The following KMT2C variants were observed in gnomAD, a reference collection of about 807,000 sequenced individuals.
The protein encoded by KMT2C is lysine methyltransferase 2C, also known as histone-lysine N-methyltransferase 2C.
KMT2C carries 88 observed loss-of-function variants against 507.9 expected under a neutral mutation model. The ratio of observed to expected loss-of-function variants is 0.17; its 90% CI spans 0.15 to 0.21. The LOEUF (loss-of-function observed/expected upper bound fraction) is 0.21. Ranked by LOEUF, KMT2C falls within the 10% of genes least tolerant of loss-of-function variation. The pLI, the probability that KMT2C is intolerant of heterozygous loss-of-function variation, is 1.00. For missense variants in KMT2C, 4,954 were observed against 5,957.8 expected (o/e 0.83, Z 5.55); for synonymous variants, 2,049 against 2,080.8 (o/e 0.98, Z 0.42).
At chr7:152,383,573 C>T (rs532560029) in intron 1 of KMT2C, among the ~76,000 whole-genome samples, 1 of 152,268 alleles carries the variant, frequency 6.6e-6, no homozygotes, top group East Asian at 1.9e-4. Context: ...TTTGTATATG[C>T]GGGGCACAGA....
intron 6 of KMT2C, among the ~76,000 whole-genome samples, chr7:152,279,240 A>C (rs1381910308): frequency 6.6e-6 from 1 of 152,238 alleles, no homozygotes; most frequent in Non-Finnish European, 1.5e-5. Context: ...GTTTCAATCA[A>C]GAAGAAAAAT....
At chr7:152,210,544 T>C (rs2094431680) in intron 23 of KMT2C, among the ~76,000 whole-genome samples, 1 of 152,002 alleles carries the variant, frequency 6.6e-6, no homozygotes, top group African/African-American at 2.4e-5. Context: ...TATGAGTTTT[T>C]TTTTTTTTAA....
At position 152,364,924 on chromosome 7, in the gene KMT2C, GAAAC is replaced by G. The variant is rs1399655192; in HGVS notation, c.162-6253_162-6250del. Among the ~76,000 whole-genome samples, 7 of 135,304 alleles carry G rather than the reference GAAAC, an allele frequency of 5.2e-5. No homozygotes were observed. The South Asian group carries it at 1.0e-3, about 19-fold the overall frequency. The allele number at this position is 135,304 out of a possible 152,430, so 88.8% of individuals were successfully genotyped here. A position where few individuals can be genotyped will look rare whatever the true frequency, so the allele number is the denominator to read the frequency against. On this transcript the variant is annotated intron_variant, in intron 1 of 58. Coordinates refer to ENST00000262189, the MANE Select transcript of KMT2C (RefSeq NM_170606.3). ...CACAGATCCAAGCACAACAAAATCT[GAAAC>G]AGACAGACACACACACACACACACA...
chr7:152,223,834 C>T (rs1424486247), intron 20 of KMT2C, among the ~76,000 whole-genome samples, 181 bp downstream of exon 20: 2 of 151,864 alleles, frequency 1.3e-5, no homozygotes, highest in East Asian at 1.9e-4. Flanking sequence ...AATTTTAGTC[C>T]GGAGTTGAGA....
intron 1 of KMT2C, among the ~76,000 whole-genome samples, chr7:152,418,075 G>A (rs1038272823): frequency 2.0e-5 from 3 of 151,966 alleles, no homozygotes; most frequent in Non-Finnish European, 2.9e-5. Context: ...CAAGTAGCTG[G>A]GACTACAGGT....
At chr7:152,386,096 AT>A (rs991727244) in intron 1 of KMT2C, among the ~76,000 whole-genome samples, 4 of 151,582 alleles carry the variant, frequency 2.6e-5, no homozygotes, top group African/African-American at 9.7e-5. Flanking sequence ...AAAAAAAAAA[AT>A]TAATAAAAAT....
At chr7:152,179,512 AT>A in intron 37 of KMT2C, among the ~76,000 whole-genome samples, 1 of 152,352 alleles carries the variant, frequency 6.6e-6, no homozygotes. Flanking sequence ...GAGGAAAAAA[AT>A]GTCTATGACC....
At chr7:152,140,227 G>A (rs2090383892) in intron 55 of KMT2C, among the ~76,000 whole-genome samples, 1 of 152,206 alleles carries the variant, frequency 6.6e-6, no homozygotes, top group Non-Finnish European at 1.5e-5. Context: ...CACTGATACT[G>A]TAAACAGGGT....
intron 52 of KMT2C, 119 bp from the exon 53 acceptor site, chr7:152,146,854 C>A: frequency 1.1e-6 from 1 of 900,136 alleles, no homozygotes; most frequent in South Asian, 1.8e-5. Context: ...TCCTGTTGGG[C>A]AATAATCTAA....
At chr7:152,373,074 A>G (rs1353408082) in intron 1 of KMT2C, among the ~76,000 whole-genome samples, 1 of 152,230 alleles carries the variant, frequency 6.6e-6, no homozygotes, top group Non-Finnish European at 1.5e-5. Context: ...GAAAATTCAT[A>G]AAGAAATCAA....
At chr7:152,339,360 A>G (rs904338432) in intron 2 of KMT2C, among the ~76,000 whole-genome samples, 1 of 152,234 alleles carries the variant, frequency 6.6e-6, no homozygotes, top group Non-Finnish European at 1.5e-5. Flanking sequence ...TTTGTCACCA[A>G]CAGAAATCAC....
chr7:152,151,230 A>G (rs1013226411), intron 50 of KMT2C, among the ~76,000 whole-genome samples: 3 of 152,330 alleles, frequency 2.0e-5, no homozygotes, highest in South Asian at 4.1e-4. Context: ...CTATTTAAAA[A>G]TACGTAGTCC....
Position 152,171,269 on chromosome 7 carries a change from G to A in KMT2C, c.9448C>T (p.Pro3150Ser), listed in dbSNP as rs767049285. The A allele has an allele frequency of 1.7e-5, 28 of 1,605,008 alleles. No individual in the cohort carries two copies. The highest frequency in any genetic ancestry group is 2.4e-5 in the Non-Finnish European group (28 of 1,175,388). The change falls in exon 40 of 59, where the codon CCT becomes TCT. Residue 3150 changes from proline (P) to serine (S), a missense_variant. Physicochemically the swap from Pro to Ser is moderately conservative, Grantham distance 74 (BLOSUM62 -1). Coordinates refer to ENST00000262189, the MANE Select transcript of KMT2C (RefSeq NM_170606.3). ...EGQNLGPQAI[P>S]QDGSITHQIS... ...CTCATTACAGGCAGTGTTACCTGAG[G>A]AATGGCCTGTGGTCCAAGGTTCTGT...
rs750659542 is a variant in KMT2C, at chr7:152,154,254, G to A, written c.12139+13C>T. On this transcript the variant is annotated intron_variant, in intron 47 of 58. Coordinates refer to ENST00000262189, the MANE Select transcript of KMT2C (RefSeq NM_170606.3). ...GTGTAAAGGGAAATAATAAGGTTAA[G>A]TGTTGTTCTTACTTTTCCCAGCAGT... 2.5e-6 allele frequency: 4 copies of A among 1,613,880 alleles called. No homozygotes were observed. The Admixed American group carries it at 6.7e-5, about 27-fold the overall frequency.
At chr7:152,356,372 C>T (rs1374904379) in intron 2 of KMT2C, among the ~76,000 whole-genome samples, 1 of 151,682 alleles carries the variant, frequency 6.6e-6, no homozygotes, top group Non-Finnish European at 1.5e-5. Context: ...ATCAGGAGTT[C>T]GAGGCCAGCC....
At chr7:152,286,967 A>G (rs1001567133) in intron 6 of KMT2C, among the ~76,000 whole-genome samples, 2 of 152,224 alleles carry the variant, frequency 1.3e-5, no homozygotes, top group Non-Finnish European at 2.9e-5. Flanking sequence ...GCCAAATGGT[A>G]CAAATAAAAG....
chr7:152,376,566 A>G (rs1206995686), intron 1 of KMT2C, among the ~76,000 whole-genome samples: 2 of 152,256 alleles, frequency 1.3e-5, no homozygotes. Flanking sequence ...CAGCCATAAC[A>G]TTCCCTTAAG....
chr7:152,429,738 C>G (rs980426793), intron 1 of KMT2C, among the ~76,000 whole-genome samples: 1 of 151,442 alleles, frequency 6.6e-6, no homozygotes, highest in African/African-American at 2.4e-5. Context: ...CCAGGCTGGT[C>G]TCCCACTCCT....
At chr7:152,195,854 A>G (rs529454913) in intron 28 of KMT2C, 53 bp downstream of exon 28, 1 of 982,022 alleles carries the variant, frequency 1.0e-6, no homozygotes, top group Admixed American at 2.3e-5. Context: ...CACATCATAC[A>G]CCTCTCGCTC....
Sources: gnomAD v4.1 joint callset for allele counts (sites outside exome capture counted in the v4.1 genomes callset) on GRCh38, gnomAD v4.1.1 for gene constraint, MANE v1.5 for transcripts, NCBI Gene and HGNC (gene_info 2026-07-23, HGNC 2026-07-21) for gene names.